SLIT2: variants seen among roughly 807,000 people sequenced by gnomAD.
SLIT2 encodes slit homolog 2 protein.
SLIT2 carries 41 observed loss-of-function variants against 185.7 expected under a neutral mutation model. The observed-to-expected ratio is 0.22, with a 90% CI of 0.17 to 0.29. The LOEUF (loss-of-function observed/expected upper bound fraction) is 0.29, where lower values mean the gene tolerates loss of function less well. Among genes scored for constraint, SLIT2 ranks in the 10% least tolerant of loss-of-function variants. SLIT2 has a pLI of 1.00. For missense variants in SLIT2, 1,571 were observed against 1,909.0 expected (o/e 0.82, Z 3.30); for synonymous variants, 693 against 680.2 (o/e 1.02, Z -0.29).
At chr4:20,413,304 T>C (rs926904035) in intron 4 of SLIT2, among the ~76,000 whole-genome samples, 1 of 152,098 alleles carries the variant, frequency 6.6e-6, no homozygotes, top group African/African-American at 2.4e-5. Context: ...TATTTATTTC[T>C]AATTTTATTT....
At chr4:20,610,241 A>G in intron 34 of SLIT2, 74 bp downstream of exon 34, 1 of 1,296,530 alleles carries the variant, frequency 7.7e-7, no homozygotes. Context: ...GAAGTTTGTT[A>G]ATGCCTAATA....
intron 25 of SLIT2, 70 bp from the exon 26 acceptor site, chr4:20,553,735 T>TTGTGTGTGTGTGTG: frequency 9.8e-6 from 11 of 1,119,264 alleles, no homozygotes; most frequent in Admixed American, 6.2e-5. Context: ...ACTTCCATAC[T>TTGTGTGTGTGTGTG]TGTGTGTGTG....
intron 4 of SLIT2, among the ~76,000 whole-genome samples, chr4:20,396,876 CCTAATATAT>C (rs1402121926): frequency 6.8e-6 from 1 of 146,218 alleles, no homozygotes; most frequent in East Asian, 2.0e-4. Flanking sequence ...AATATACACA[CCTAATATAT>C]AAATACATAA....
At chr4:20,423,151 C>T (rs1995982) in intron 4 of SLIT2, among the ~76,000 whole-genome samples, 21 of 151,790 alleles carry the variant, frequency 1.4e-4, no homozygotes, top group Non-Finnish European at 2.9e-5. Flanking sequence ...AATTTTTAGA[C>T]TACAGCCAAA....
chr4:20,581,390 C>G (rs1262897445), intron 29 of SLIT2, among the ~76,000 whole-genome samples: 1 of 152,162 alleles, frequency 6.6e-6, no homozygotes, highest in Non-Finnish European at 1.5e-5. Flanking sequence ...CTAGAGGACT[C>G]ACACATATTT....
chr4:20,288,219 GT>G (rs1715462604), intron 4 of SLIT2, among the ~76,000 whole-genome samples: 1 of 152,212 alleles, frequency 6.6e-6, no homozygotes, highest in African/African-American at 2.4e-5. Context: ...ACAGAGCCAA[GT>G]TTTTGTGGGC....
At chr4:20,467,219 T>C (rs1202252939) in intron 4 of SLIT2, among the ~76,000 whole-genome samples, 2 of 152,208 alleles carry the variant, frequency 1.3e-5, no homozygotes, top group Non-Finnish European at 2.9e-5. Context: ...GTTCGTTTTA[T>C]TGTTGGGCCG....
At chr4:20,434,462 G>T (rs1213040331) in intron 4 of SLIT2, among the ~76,000 whole-genome samples, 1 of 152,048 alleles carries the variant, frequency 6.6e-6, no homozygotes, top group Non-Finnish European at 1.5e-5. Context: ...CCTCCAGCTT[G>T]GGCAACAAGA....
intron 9 of SLIT2, among the ~76,000 whole-genome samples, chr4:20,506,662 A>C (rs1719236971): frequency 6.6e-6 from 1 of 151,990 alleles, no homozygotes; most frequent in South Asian, 2.1e-4. Context: ...TAAAATTCTT[A>C]CAATGAAAAG....
intron 4 of SLIT2, among the ~76,000 whole-genome samples, chr4:20,374,915 A>T (rs1331151899): frequency 6.6e-6 from 1 of 152,160 alleles, no homozygotes; most frequent in Non-Finnish European, 1.5e-5. Flanking sequence ...AATAAGTCAC[A>T]GAGTTGAAAC....
At chr4:20,422,216 AAAC>A (rs1728223736) in intron 4 of SLIT2, among the ~76,000 whole-genome samples, 1 of 152,198 alleles carries the variant, frequency 6.6e-6, no homozygotes, top group Non-Finnish European at 1.5e-5. Context: ...TATGCTATGA[AAAC>A]AAAAATATTT....
At chr4:20,507,262 T>C (rs541125456) in intron 9 of SLIT2, among the ~76,000 whole-genome samples, 3 of 152,038 alleles carry the variant, frequency 2.0e-5, no homozygotes, top group South Asian at 4.1e-4. Context: ...GTGACAATCA[T>C]TGAAATTAGT....
intron 3 of SLIT2, among the ~76,000 whole-genome samples, chr4:20,268,356 C>T (rs1713249777): frequency 1.3e-5 from 2 of 151,050 alleles, no homozygotes; most frequent in South Asian, 4.2e-4. Flanking sequence ...TTTTTCCTCC[C>T]AACTAAATGA....
At chr4:20,602,501 A>G (rs759744434) in intron 33 of SLIT2, among the ~76,000 whole-genome samples, 1 of 152,246 alleles carries the variant, frequency 6.6e-6, no homozygotes, top group Non-Finnish European at 1.5e-5. Context: ...AGCACCAAGC[A>G]TACAGGCAGT....
At chr4:20,573,607 T>G (rs1725817330) in intron 29 of SLIT2, among the ~76,000 whole-genome samples, 1 of 152,172 alleles carries the variant, frequency 6.6e-6, no homozygotes. Context: ...AACATATTAT[T>G]TTTGGAATGA....
At chr4:20,340,527 T>G (rs1720873486) in intron 4 of SLIT2, among the ~76,000 whole-genome samples, 1 of 152,198 alleles carries the variant, frequency 6.6e-6, no homozygotes, top group African/African-American at 2.4e-5. Flanking sequence ...TGATCCATGA[T>G]ACCTGCCCTC....
intron 34 of SLIT2, among the ~76,000 whole-genome samples, chr4:20,611,167 T>C (rs924176161): frequency 2.0e-5 from 3 of 152,232 alleles, no homozygotes; most frequent in African/African-American, 7.2e-5. Context: ...TTCATCACCA[T>C]GACAGATATT....
chr4:20,254,048 C>A lies in SLIT2; in HGVS notation c.179+54C>A. The A allele has an allele frequency of 6.5e-7, 1 of 1,547,502 alleles. No individual in the cohort carries two copies. The highest frequency in any genetic ancestry group is 1.7e-5 in the Admixed American group (1 of 57,686). ...TCCCCATCCGGGCCGCGCACCCCTGCCTCCACTGGAGGAACCTGTCAGCTC... is the reference window on the plus strand; with the variant it reads ...TCCCCATCCGGGCCGCGCACCCCTGACTCCACTGGAGGAACCTGTCAGCTC... On this transcript the variant is annotated intron_variant, in intron 1 of 36. Coordinates refer to ENST00000504154, the MANE Select transcript of SLIT2 (RefSeq NM_004787.4). The surrounding 1 kb of genome is among the most constrained non-coding windows in gnomAD (Gnocchi z 5.1).
At chr4:20,612,856 T>G (rs1729334100) in intron 34 of SLIT2, among the ~76,000 whole-genome samples, 1 of 146,016 alleles carries the variant, frequency 6.8e-6, no homozygotes, top group African/African-American at 2.6e-5. Flanking sequence ...AGGTGGAGCT[T>G]GCAGTGAGCC....
Sources: allele counts gnomAD v4.1 joint callset (sites outside exome capture counted in the v4.1 genomes callset), GRCh38; gene constraint gnomAD v4.1.1; non-coding constraint Gnocchi (gnomAD v3.1); transcripts MANE v1.5; gene names NCBI Gene and HGNC (gene_info 2026-07-23, HGNC 2026-07-21).